Variants in STK32B observed in about 807,000 individuals in gnomAD.
STK32B encodes serine/threonine kinase 32B.
In STK32B, 43 loss-of-function variants were observed where a neutral mutation model predicts 52.6. That is an observed-to-expected ratio of 0.82 (90% confidence interval 0.64 to 1.05). The LOEUF (loss-of-function observed/expected upper bound fraction) is 1.05, where lower values mean the gene tolerates loss of function less well. Among genes scored for constraint, STK32B ranks in the 50% least tolerant of loss-of-function variants. STK32B has a pLI of 0.00. For synonymous variants in STK32B, 238 were observed against 204.3 expected (o/e 1.17, Z -1.41); for missense variants, 621 against 534.6 (o/e 1.16, Z -1.59).
intron 3 of STK32B, among the ~76,000 whole-genome samples, chr4:5,284,221 C>T (rs28637314): frequency 0.018 from 2,792 of 152,180 alleles, 39 homozygotes; most frequent in East Asian, 0.072. Context: ...AGCAAAAAAA[C>T]TGTAGTAGCT....
At chr4:5,095,451 T>G (rs4689984) in intron 1 of STK32B, among the ~76,000 whole-genome samples, 2 of 151,872 alleles carry the variant, frequency 1.3e-5, no homozygotes, top group Non-Finnish European at 2.9e-5. Flanking sequence ...TCTGCCTCTA[T>G]TAAAACTATA....
At chr4:5,105,822 C>A (rs1056364477) in intron 1 of STK32B, among the ~76,000 whole-genome samples, 1 of 151,958 alleles carries the variant, frequency 6.6e-6, no homozygotes, top group Non-Finnish European at 1.5e-5. Flanking sequence ...CTCGGCCACC[C>A]AAAGTGCTGG....
chr4:5,091,159 T>G (rs1230331489), intron 1 of STK32B, among the ~76,000 whole-genome samples: 1 of 152,180 alleles, frequency 6.6e-6, no homozygotes, highest in Admixed American at 6.5e-5. Context: ...AGATTTCACC[T>G]TGGGCAAGTG....
At chr4:5,477,130 C>T (rs1718299842) in intron 11 of STK32B, among the ~76,000 whole-genome samples, 2 of 152,140 alleles carry the variant, frequency 1.3e-5, no homozygotes, top group East Asian at 1.9e-4. Context: ...AAAGGCTCCC[C>T]GATGGGTAGT....
At chr4:5,179,300 C>G (rs1720171677) in intron 3 of STK32B, among the ~76,000 whole-genome samples, 1 of 152,312 alleles carries the variant, frequency 6.6e-6, no homozygotes, top group East Asian at 1.9e-4. Flanking sequence ...ATACATCCCA[C>G]TGGGTTCCTC....
chr4:5,246,437 G>T (rs181676638), intron 3 of STK32B, among the ~76,000 whole-genome samples: 288 of 152,252 alleles, frequency 1.9e-3, no homozygotes, highest in Middle Eastern at 6.8e-3. Context: ...CTACTTTAAG[G>T]ACTTCTCTGC....
intron 3 of STK32B, among the ~76,000 whole-genome samples, chr4:5,191,943 G>A (rs930740686): frequency 2.6e-5 from 4 of 152,178 alleles, no homozygotes; most frequent in Non-Finnish European, 5.9e-5. Context: ...CAGGGGCATG[G>A]CACATGCTCC....
chr4:5,439,455 T>C lies in STK32B; in HGVS notation c.563-7218T>C, dbSNP rs1343738937. Reference sequence around the variant, plus strand: ...GCCCACTTTTTGATGGGGTTGTTTGTTTTTTTCTTGTAAATTTGTTTGAGT... The same window carrying C: ...GCCCACTTTTTGATGGGGTTGTTTGCTTTTTTCTTGTAAATTTGTTTGAGT... On this transcript the variant is annotated intron_variant, in intron 6 of 11. Transcript: ENST00000282908. 4.1e-3 allele frequency among the ~76,000 whole-genome samples: 630 copies of C among 152,016 alleles called. 6 individuals carry two copies. The highest frequency in any genetic ancestry group is 0.015 in the African/African-American group (606 of 41,426).
intron 3 of STK32B, among the ~76,000 whole-genome samples, chr4:5,236,612 C>T (rs755959677): frequency 4.6e-5 from 7 of 152,168 alleles, no homozygotes; most frequent in African/African-American, 9.7e-5. Flanking sequence ...CACACAGCAC[C>T]GTGCCTGGCA....
intron 3 of STK32B, among the ~76,000 whole-genome samples, chr4:5,206,162 T>G (rs1477029341): frequency 3.9e-5 from 6 of 152,188 alleles, no homozygotes; most frequent in African/African-American, 1.2e-4. Context: ...CAAATATCTT[T>G]CTATGTCATC....
At chr4:5,215,802 A>T (rs548021403) in intron 3 of STK32B, among the ~76,000 whole-genome samples, 1 of 152,174 alleles carries the variant, frequency 6.6e-6, no homozygotes, top group Non-Finnish European at 1.5e-5. Context: ...GACACAGCTC[A>T]CCTTGCCTGA....
At chr4:5,247,460 G>C (rs1434185271) in intron 3 of STK32B, among the ~76,000 whole-genome samples, 1 of 152,028 alleles carries the variant, frequency 6.6e-6, no homozygotes, top group Non-Finnish European at 1.5e-5. Flanking sequence ...GATTTTCCAG[G>C]TGCCGTCTGT....
At chr4:5,055,781 G>A (rs546640287) in intron 1 of STK32B, among the ~76,000 whole-genome samples, 100 of 151,870 alleles carry the variant, frequency 6.6e-4, no homozygotes, top group African/African-American at 2.3e-3. Context: ...CACTTCCTTC[G>A]GGTCTCCAGG....
At chr4:5,158,752 A>G (rs555196205) in intron 2 of STK32B, among the ~76,000 whole-genome samples, 8 of 151,968 alleles carry the variant, frequency 5.3e-5, no homozygotes, top group Admixed American at 3.3e-4. Flanking sequence ...GCGTCCTCAC[A>G]TGGTCATCCC....
At chr4:5,127,595 G>A (rs527319394) in intron 1 of STK32B, among the ~76,000 whole-genome samples, 4 of 148,878 alleles carry the variant, frequency 2.7e-5, no homozygotes, top group South Asian at 4.3e-4. Flanking sequence ...AAGTAGTTAA[G>A]CAACTTGAGA....
intron 6 of STK32B, among the ~76,000 whole-genome samples, chr4:5,434,377 G>A (rs195121): frequency 0.64 from 96,986 of 151,694 alleles, 32,006 homozygotes; most frequent in East Asian, 0.92. Flanking sequence ...GTTTATGAAC[G>A]TCAGGAAATT....
chr4:5,221,327 T>C (rs1413267003), intron 3 of STK32B, among the ~76,000 whole-genome samples: 1 of 152,192 alleles, frequency 6.6e-6, no homozygotes, highest in Non-Finnish European at 1.5e-5. Flanking sequence ...GGGCACGCAT[T>C]CCTGAGATGT....
intron 7 of STK32B, among the ~76,000 whole-genome samples, chr4:5,456,149 G>A (rs972189941): frequency 2.7e-4 from 41 of 152,218 alleles, no homozygotes; most frequent in African/African-American, 7.7e-4. Flanking sequence ...CAAGCTTTGA[G>A]AGGGGCTTAG....
At chr4:5,187,585 G>T (rs1720841093) in intron 3 of STK32B, among the ~76,000 whole-genome samples, 1 of 151,524 alleles carries the variant, frequency 6.6e-6, no homozygotes, top group Non-Finnish European at 1.5e-5. Flanking sequence ...TCTCCAGGAT[G>T]GGGTGTGTCG....
Sources: gnomAD v4.1 joint callset for allele counts (sites outside exome capture counted in the v4.1 genomes callset) on GRCh38, gnomAD v4.1.1 for gene constraint, MANE v1.5 for transcripts, NCBI Gene and HGNC (gene_info 2026-07-23, HGNC 2026-07-21) for gene names.